The following NTM variants were observed in gnomAD, a reference collection of about 807,000 sequenced individuals.
NTM encodes neurotrimin.
NTM carries 13 observed loss-of-function variants against 42.1 expected under a neutral mutation model. The observed-to-expected ratio is 0.31, with a 90% CI of 0.20 to 0.49. The LOEUF is 0.49. NTM is among the 20% of genes least tolerant of loss of function. The pLI, the probability that NTM is intolerant of heterozygous loss-of-function variation, is 0.99. For missense variants in NTM, 373 were observed against 452.8 expected (o/e 0.82, Z 1.60); for synonymous variants, 187 against 179.2 (o/e 1.04, Z -0.35).
At chr11:131,491,374 A>C (rs1954770380) in intron 1 of NTM, among the ~76,000 whole-genome samples, 1 of 151,680 alleles carries the variant, frequency 6.6e-6, no homozygotes, top group African/African-American at 2.4e-5. Context: ...GATATTTAAT[A>C]ACAATATTAT....
intron 1 of NTM, among the ~76,000 whole-genome samples, chr11:131,625,942 C>T (rs2063060256): frequency 6.6e-6 from 1 of 152,148 alleles, no homozygotes; most frequent in Non-Finnish European, 1.5e-5. Context: ...GAATATGCTA[C>T]ACATTATTTT....
At chr11:132,153,446 G>A (rs1365924375) in intron 3 of NTM, among the ~76,000 whole-genome samples, 1 of 152,118 alleles carries the variant, frequency 6.6e-6, no homozygotes, top group East Asian at 1.9e-4. Flanking sequence ...CTACAGATCT[G>A]TCTAATCCTA....
chr11:131,903,146 G>A (rs1344580409), intron 1 of NTM, among the ~76,000 whole-genome samples: 2 of 152,102 alleles, frequency 1.3e-5, no homozygotes, highest in Non-Finnish European at 2.9e-5. Context: ...AAAAAAAATA[G>A]GGCCGCGGAA....
intron 3 of NTM, among the ~76,000 whole-genome samples, chr11:132,155,998 G>A (rs1205841882): frequency 2.0e-5 from 3 of 152,148 alleles, no homozygotes; most frequent in Non-Finnish European, 1.5e-5. Context: ...AGAAGGCCAA[G>A]AAAATAATAA....
chr11:131,942,628 C>T (rs1177799155), intron 2 of NTM, among the ~76,000 whole-genome samples: 1 of 152,028 alleles, frequency 6.6e-6, no homozygotes, highest in Admixed American at 6.6e-5. Context: ...GAAGGGGGGC[C>T]ATTTGTCTCA....
chr11:131,840,310 G>A (rs1276095032), intron 1 of NTM, among the ~76,000 whole-genome samples: 1 of 152,184 alleles, frequency 6.6e-6, no homozygotes, highest in East Asian at 1.9e-4. Flanking sequence ...AGGACACAGA[G>A]CAGGACACTG....
At chr11:131,601,281 G>T (rs2060463636) in intron 1 of NTM, among the ~76,000 whole-genome samples, 1 of 152,196 alleles carries the variant, frequency 6.6e-6, no homozygotes, top group Non-Finnish European at 1.5e-5. Flanking sequence ...GGCAGAAGGA[G>T]CATGATGGAC....
intron 1 of NTM, among the ~76,000 whole-genome samples, chr11:131,371,937 C>T (rs1214651023): frequency 6.6e-6 from 1 of 152,190 alleles, no homozygotes; most frequent in African/African-American, 2.4e-5. Flanking sequence ...CAGTCCTATG[C>T]AGTTGTATTC....
chr11:131,755,430 T>G (rs1350863477), intron 1 of NTM, among the ~76,000 whole-genome samples: 3 of 152,150 alleles, frequency 2.0e-5, no homozygotes, highest in Non-Finnish European at 4.4e-5. Context: ...CTCAAGACAT[T>G]AAGATACAGA....
At chr11:131,467,971 A>G (rs966271859) in intron 1 of NTM, among the ~76,000 whole-genome samples, 1 of 152,202 alleles carries the variant, frequency 6.6e-6, no homozygotes, top group South Asian at 2.1e-4. Flanking sequence ...AGATTCTAAC[A>G]CATCGTGGGC....
At chr11:131,829,441 T>A (rs2042537098) in intron 1 of NTM, among the ~76,000 whole-genome samples, 1 of 152,146 alleles carries the variant, frequency 6.6e-6, no homozygotes, top group South Asian at 2.1e-4. Flanking sequence ...CATGCAGCAT[T>A]TGGTTTTCTG....
chr11:131,873,749 TATATATC>T (rs1376320673), intron 1 of NTM, among the ~76,000 whole-genome samples: 8 of 143,678 alleles, frequency 5.6e-5, no homozygotes, highest in Non-Finnish European at 1.2e-4. Flanking sequence ...AGCTGATACA[TATATATC>T]AGAATGGCGA....
rs2070143818 is a variant in NTM, at chr11:132,004,182, G to T, written c.167+92534G>T. On this transcript the variant is annotated intron_variant, in intron 2 of 8. Coordinates refer to ENST00000683400, the MANE Select transcript of NTM (RefSeq NM_001352005.2). ...GGGGCATTGGGAGAGTAAAGATGGTGGCAAAAGGTAACTTAGGTTGCCACT... is the reference window on the plus strand; with the variant it reads ...GGGGCATTGGGAGAGTAAAGATGGTTGCAAAAGGTAACTTAGGTTGCCACT... 2.0e-5 allele frequency among the ~76,000 whole-genome samples: 3 copies of T among 152,080 alleles called. No individual in the cohort carries two copies. In the South Asian group the frequency reaches 6.2e-4, roughly 32 times the overall value.
Position 131,725,084 on chromosome 11 carries a change from A to G in NTM, c.83-186480A>G, listed in dbSNP as rs139121431. Among the ~76,000 whole-genome samples the G allele has an allele frequency of 1.8e-3, 267 of 152,260 alleles. 1 individual carries two copies. The highest frequency in any genetic ancestry group is 6.3e-3 in the African/African-American group (260 of 41,556). On this transcript the variant is annotated intron_variant, in intron 1 of 8. Transcript: ENST00000683400. ...ATCGTGATGCAAGGCACTGTGGGGA[A>G]AAAAGACGTCAAAGATGGGGGATGC...
intron 1 of NTM, among the ~76,000 whole-genome samples, chr11:131,581,844 C>G (rs1444945371): frequency 6.6e-6 from 1 of 152,156 alleles, no homozygotes; most frequent in Non-Finnish European, 1.5e-5. Context: ...GACATCCACA[C>G]TCTGCTGGTG....
intron 1 of NTM, among the ~76,000 whole-genome samples, chr11:131,490,485 C>A (rs1187749789): frequency 6.6e-6 from 1 of 152,180 alleles, no homozygotes; most frequent in Non-Finnish European, 1.5e-5. Flanking sequence ...CAGGGTTGAC[C>A]CAATGCTGCT....
intron 4 of NTM, among the ~76,000 whole-genome samples, chr11:132,301,405 TAA>T (rs1397961160): frequency 2.0e-5 from 3 of 152,164 alleles, no homozygotes; most frequent in East Asian, 1.9e-4. Flanking sequence ...GCCAAACCTC[TAA>T]AGTCTTTCAT....
intron 2 of NTM, among the ~76,000 whole-genome samples, chr11:132,107,517 C>CT (rs545857909): frequency 4.0e-4 from 59 of 148,120 alleles, no homozygotes; most frequent in African/African-American, 1.3e-3. Context: ...CCTGGCTAAT[C>CT]TTTTTTTTTC....
chr11:132,243,166 G>A (rs926480488), intron 4 of NTM, among the ~76,000 whole-genome samples: 2 of 152,120 alleles, frequency 1.3e-5, no homozygotes, highest in Non-Finnish European at 2.9e-5. Context: ...TGCAAATGAA[G>A]AGCTCTTACT....
Sources: allele counts gnomAD v4.1 joint callset (sites outside exome capture counted in the v4.1 genomes callset), GRCh38; gene constraint gnomAD v4.1.1; transcripts MANE v1.5; gene names NCBI Gene and HGNC (gene_info 2026-07-23, HGNC 2026-07-21).